The following NMNAT2 variants were observed in gnomAD, a reference collection of about 807,000 sequenced individuals.
The protein encoded by NMNAT2 is nicotinamide/nicotinic acid mononucleotide adenylyltransferase 2.
Under a neutral mutation model 41.6 loss-of-function variants are expected in NMNAT2, and 11 were observed. The observed-to-expected ratio is 0.26, with a 90% CI of 0.17 to 0.44. NMNAT2 has a LOEUF of 0.44. Among genes scored for constraint, NMNAT2 ranks in the 20% least tolerant of loss-of-function variants. The pLI, the probability that NMNAT2 is intolerant of heterozygous loss-of-function variation, is 1.00. For missense variants in NMNAT2, 288 were observed against 407.7 expected, an observed-to-expected ratio of 0.71 and a Z score of 2.53; for synonymous variants, 148 against 151.2, an observed-to-expected ratio of 0.98 and a Z score of 0.16.
chr1:183,295,214 C>G (rs940498787), intron 1 of NMNAT2, among the ~76,000 whole-genome samples: 1 of 152,110 alleles, frequency 6.6e-6, no homozygotes, highest in African/African-American at 2.4e-5. Context: ...GTCGGCCAGG[C>G]TGGCCTCAAA....
intron 1 of NMNAT2, among the ~76,000 whole-genome samples, chr1:183,332,338 C>T (rs997028754): frequency 1.3e-5 from 2 of 152,138 alleles, no homozygotes; most frequent in Non-Finnish European, 2.9e-5. Flanking sequence ...TAATAGACAA[C>T]TTTGTCTTAC....
At chr1:183,260,761 G>C (rs1318615774) in intron 10 of NMNAT2, among the ~76,000 whole-genome samples, 1 of 148,696 alleles carries the variant, frequency 6.7e-6, no homozygotes, top group Non-Finnish European at 1.5e-5. Context: ...GGGGGTTGCA[G>C]TGAGCTGAGA....
chr1:183,377,397 C>T (rs1663703444), intron 1 of NMNAT2, among the ~76,000 whole-genome samples: 1 of 151,982 alleles, frequency 6.6e-6, no homozygotes, highest in Non-Finnish European at 1.5e-5. Context: ...CAGTTCTGTC[C>T]TGGGAGCAGT....
chr1:183,374,513 T>G (rs1489093846), intron 1 of NMNAT2, among the ~76,000 whole-genome samples: 1 of 152,230 alleles, frequency 6.6e-6, no homozygotes, highest in Non-Finnish European at 1.5e-5. Flanking sequence ...TAGTTTGATT[T>G]AAAGGGGAGA....
intron 8 of NMNAT2, among the ~76,000 whole-genome samples, chr1:183,268,461 T>TG (rs1477545292): frequency 1.3e-5 from 2 of 152,196 alleles, no homozygotes; most frequent in Non-Finnish European, 2.9e-5. Context: ...TGTGAAGATA[T>TG]GAGTAGGTTA....
At chr1:183,290,374 T>C (rs1485462627) in intron 3 of NMNAT2, among the ~76,000 whole-genome samples, 168 bp from the exon 4 acceptor site, 2 of 152,186 alleles carry the variant, frequency 1.3e-5, no homozygotes, top group Non-Finnish European at 2.9e-5. Context: ...TGAGCTTCAG[T>C]TTCCTCCTCT....
intron 1 of NMNAT2, among the ~76,000 whole-genome samples, chr1:183,322,560 C>G (rs926169837): frequency 6.6e-6 from 1 of 152,102 alleles, no homozygotes; most frequent in Non-Finnish European, 1.5e-5. Context: ...AATTGCTATC[C>G]CCAGCTGAGA....
Position 183,395,739 on chromosome 1 carries a change from T to A in NMNAT2, c.85+22444A>T, listed in dbSNP as rs190762588. Among the ~76,000 whole-genome samples the A allele has an allele frequency of 3.9e-5, 6 of 152,302 alleles. No homozygotes were observed. The East Asian group carries it at 9.6e-4, about 24-fold the overall frequency. On this transcript the variant is annotated intron_variant, in intron 1 of 10. Coordinates refer to ENST00000287713, the MANE Select transcript of NMNAT2 (RefSeq NM_015039.4). Reference sequence around the variant, plus strand: ...TTACAACAGTCCAATAAAGGAGGTGTTACACTTTTTACAGTGTATTGGGAG... The same window carrying A: ...TTACAACAGTCCAATAAAGGAGGTGATACACTTTTTACAGTGTATTGGGAG...
chr1:183,297,560 T>C (rs1661736467), intron 1 of NMNAT2, among the ~76,000 whole-genome samples: 1 of 152,116 alleles, frequency 6.6e-6, no homozygotes, highest in Non-Finnish European at 1.5e-5. Context: ...TTTTGTATTT[T>C]TAGTAGAGAC....
intron 1 of NMNAT2, among the ~76,000 whole-genome samples, chr1:183,400,566 T>C (rs1269825574): frequency 6.6e-6 from 1 of 152,124 alleles, no homozygotes; most frequent in Non-Finnish European, 1.5e-5. Flanking sequence ...AAAACTACTT[T>C]AAAGCTCATA....
chr1:183,406,173 C>T (rs1037089417), intron 1 of NMNAT2, among the ~76,000 whole-genome samples: 1 of 152,100 alleles, frequency 6.6e-6, no homozygotes, highest in Non-Finnish European at 1.5e-5. Context: ...CATCAGAATG[C>T]AGTATCATGA....
intron 1 of NMNAT2, among the ~76,000 whole-genome samples, chr1:183,353,282 A>G (rs1470328752): frequency 6.6e-6 from 1 of 152,192 alleles, no homozygotes; most frequent in Non-Finnish European, 1.5e-5. Context: ...CTGGGATTAC[A>G]GGAGTGAGCC....
intron 3 of NMNAT2, among the ~76,000 whole-genome samples, chr1:183,292,174 A>T (rs191408418): frequency 4.0e-4 from 61 of 152,390 alleles, no homozygotes; most frequent in African/African-American, 1.4e-3. Context: ...TTTGGGGAAC[A>T]TCATTAGCAT....
At chr1:183,356,386 C>A (rs780275135) in intron 1 of NMNAT2, among the ~76,000 whole-genome samples, 1 of 152,174 alleles carries the variant, frequency 6.6e-6, no homozygotes, top group South Asian at 2.1e-4. Context: ...CTTTAAGCAG[C>A]TCATTGGATC....
intron 8 of NMNAT2, among the ~76,000 whole-genome samples, chr1:183,270,050 A>T (rs189952910): frequency 2.0e-5 from 3 of 152,010 alleles, no homozygotes; most frequent in Admixed American, 1.3e-4. Context: ...CGCCCGGCTA[A>T]TTTTTTTGTA....
intron 1 of NMNAT2, among the ~76,000 whole-genome samples, chr1:183,391,697 C>T (rs1648486572): frequency 6.6e-6 from 1 of 152,158 alleles, no homozygotes; most frequent in African/African-American, 2.4e-5. Context: ...CAGCTTCTGC[C>T]CCCTTCATTC....
chr1:183,285,503 G>A (rs1661378509), intron 5 of NMNAT2, among the ~76,000 whole-genome samples: 1 of 152,136 alleles, frequency 6.6e-6, no homozygotes, highest in Non-Finnish European at 1.5e-5. Context: ...AAAATTTTCT[G>A]AGCCCCCCAC....
At chr1:183,385,144 G>A (rs577716978) in intron 1 of NMNAT2, among the ~76,000 whole-genome samples, 55 of 152,258 alleles carry the variant, frequency 3.6e-4, no homozygotes, top group African/African-American at 1.3e-3. Flanking sequence ...TCAGGTTGCA[G>A]TGAGCTATGA....
chr1:183,374,570 T>C (rs1311511566), intron 1 of NMNAT2, among the ~76,000 whole-genome samples: 1 of 152,250 alleles, frequency 6.6e-6, no homozygotes, highest in Non-Finnish European at 1.5e-5. Flanking sequence ...CTCCAGATCT[T>C]AATTTACATT....
Sources: allele counts gnomAD v4.1 joint callset (sites outside exome capture counted in the v4.1 genomes callset), GRCh38; gene constraint gnomAD v4.1.1; transcripts MANE v1.5; gene names NCBI Gene and HGNC (gene_info 2026-07-23, HGNC 2026-07-21).